Variants in SHLD2 observed in about 807,000 individuals in gnomAD.
SHLD2 encodes shieldin complex subunit 2.
In SHLD2, 30 loss-of-function variants were observed where a neutral mutation model predicts 73.2. The observed-to-expected ratio is 0.41, with a 90% CI of 0.31 to 0.56. The LOEUF is 0.56. Among genes scored for constraint, SHLD2 ranks in the 20% least tolerant of loss-of-function variants. The probability of loss-of-function intolerance (pLI) is 0.28; values close to 1 mark genes in which losing one functional copy is unlikely to be tolerated. For missense variants in SHLD2, 745 were observed against 1,055.9 expected, an observed-to-expected ratio of 0.71 and a Z score of 4.08; for synonymous variants, 285 against 370.1, an observed-to-expected ratio of 0.77 and a Z score of 2.64.
chr10:87,142,036 A>AT (rs1374555174), intron 2 of SHLD2, among the ~76,000 whole-genome samples: 9 of 149,240 alleles, frequency 6.0e-5, no homozygotes, highest in Non-Finnish European at 1.3e-4. Flanking sequence ...ATCTCAAAAA[A>AT]AAAAAAAATA....
chr10:87,153,363 G>A (rs1236583321), intron 3 of SHLD2, among the ~76,000 whole-genome samples: 1 of 152,162 alleles, frequency 6.6e-6, no homozygotes, highest in African/African-American at 2.4e-5. Context: ...CTTTGATTGG[G>A]CCACTGCACT....
chr10:87,111,104 C>A (rs938447828), intron 2 of SHLD2, among the ~76,000 whole-genome samples: 3 of 151,882 alleles, frequency 2.0e-5, no homozygotes, highest in South Asian at 2.1e-4. Flanking sequence ...GGCCTCCCAA[C>A]GTGCTGGGAT....
chr10:87,095,438 G>A (rs1004394810), intron 1 of SHLD2, among the ~76,000 whole-genome samples, 190 bp downstream of exon 1: 6 of 152,038 alleles, frequency 3.9e-5, no homozygotes, highest in Non-Finnish European at 8.8e-5. Context: ...GCGCGCCCTC[G>A]GAACGGGCGG....
At chr10:87,127,901 C>T (rs549858754) in intron 2 of SHLD2, among the ~76,000 whole-genome samples, 8 of 152,002 alleles carry the variant, frequency 5.3e-5, no homozygotes, top group Non-Finnish European at 1.0e-4. Context: ...GTTATGATGT[C>T]GTGCAAGTAA....
chr10:87,140,940 C>G (rs540153880), intron 2 of SHLD2, among the ~76,000 whole-genome samples: 95 of 151,846 alleles, frequency 6.3e-4, no homozygotes, highest in African/African-American at 2.2e-3. Flanking sequence ...TGTATTCCAC[C>G]CAGGGTGATA....
intron 2 of SHLD2, among the ~76,000 whole-genome samples, chr10:87,131,336 G>A (rs1444802159): frequency 6.6e-6 from 1 of 151,996 alleles, no homozygotes; most frequent in Non-Finnish European, 1.5e-5. Context: ...ACACCAAAAA[G>A]AAACCCCATA....
chr10:87,116,536 A>T (rs1843266519), intron 2 of SHLD2, among the ~76,000 whole-genome samples: 1 of 152,166 alleles, frequency 6.6e-6, no homozygotes, highest in East Asian at 1.9e-4. Flanking sequence ...TTTGGGTGGC[A>T]GGTGAGAATT....
At chr10:87,131,323 A>G (rs1276601268) in intron 2 of SHLD2, among the ~76,000 whole-genome samples, 1 of 152,058 alleles carries the variant, frequency 6.6e-6, no homozygotes, top group African/African-American at 2.4e-5. Flanking sequence ...GAACTTTTCT[A>G]TCACACCAAA....
chr10:87,099,804 G>T (rs1215356870), intron 2 of SHLD2, among the ~76,000 whole-genome samples: 1 of 152,130 alleles, frequency 6.6e-6, no homozygotes, highest in Non-Finnish European at 1.5e-5. Context: ...TGTTATGTGT[G>T]TTTTTTATTA....
At chr10:87,188,447 T>C (rs902780166) in intron 9 of SHLD2, among the ~76,000 whole-genome samples, 5 of 152,134 alleles carry the variant, frequency 3.3e-5, no homozygotes, top group Admixed American at 1.3e-4. Flanking sequence ...AGGCTTTTGT[T>C]CCTTAAAGGG....
At chr10:87,098,130 C>A (rs1043249629) in intron 2 of SHLD2, among the ~76,000 whole-genome samples, 3 of 152,004 alleles carry the variant, frequency 2.0e-5, no homozygotes, top group African/African-American at 7.2e-5. Flanking sequence ...TTTAGAAAAA[C>A]AGAATGAAAT....
chr10:87,151,491 A>G lies in SHLD2; in HGVS notation c.137A>G (p.His46Arg). The G allele has an allele frequency of 8.7e-6, 14 of 1,611,108 alleles. No individual in the cohort carries two copies. Among genetic ancestry groups the G allele is most frequent in the Non-Finnish European group, 1.2e-5 (14 of 1,179,558 alleles). ...AAAATTCAGCTTTTATACAGTCAAC[A>G]TTCTTTATATCTGAAGGATGAAAAA... The part of the protein sequence containing the change: ...WKKIQLLYSQ[H>R]SLYLKDEKQH... Residue 46 changes from histidine to arginine, a missense_variant, in exon 3 of 10, where the codon CAT becomes CGT. His to Arg is a conservative substitution (Grantham distance 29). Transcript: ENST00000298786.
chr10:87,175,277 A>G (rs1189926429), intron 6 of SHLD2, among the ~76,000 whole-genome samples: 1 of 152,210 alleles, frequency 6.6e-6, no homozygotes, highest in Non-Finnish European at 1.5e-5. Context: ...ACAAAACAAA[A>G]CACAACTTTG....
intron 4 of SHLD2, among the ~76,000 whole-genome samples, chr10:87,162,626 C>T (rs1397643393): frequency 1.3e-5 from 2 of 151,876 alleles, no homozygotes; most frequent in East Asian, 1.9e-4. Flanking sequence ...CCCAGGAGGT[C>T]GAGGCTGCAG....
intron 8 of SHLD2, among the ~76,000 whole-genome samples, chr10:87,183,222 C>T (rs1848420627): frequency 6.6e-6 from 1 of 152,170 alleles, no homozygotes; most frequent in South Asian, 2.1e-4. Flanking sequence ...CATTGCAAAT[C>T]ATTGACAGTT....
intron 2 of SHLD2, among the ~76,000 whole-genome samples, chr10:87,103,227 A>G (rs1842383296): frequency 6.6e-6 from 1 of 152,016 alleles, no homozygotes; most frequent in Admixed American, 6.6e-5. Flanking sequence ...AATTTTTTTT[A>G]ATAAATAAAT....
At chr10:87,163,031 T>G (rs1043931777) in intron 4 of SHLD2, among the ~76,000 whole-genome samples, 12 of 152,284 alleles carry the variant, frequency 7.9e-5, no homozygotes, top group Middle Eastern at 3.4e-3. Flanking sequence ...ACAAGGTTAT[T>G]CATTGCAGTA....
At chr10:87,172,752 A>G (rs1400650825) in intron 6 of SHLD2, among the ~76,000 whole-genome samples, 1 of 151,972 alleles carries the variant, frequency 6.6e-6, no homozygotes, top group Non-Finnish European at 1.5e-5. Flanking sequence ...ATAAGTTAAT[A>G]CATAAAAATT....
At chr10:87,183,590 C>T (rs1458784251) in intron 8 of SHLD2, among the ~76,000 whole-genome samples, 4 of 152,170 alleles carry the variant, frequency 2.6e-5, no homozygotes, top group Non-Finnish European at 4.4e-5. Context: ...GTTTTATACC[C>T]AGCCAAACTT....
Sources: allele counts gnomAD v4.1 joint callset (sites outside exome capture counted in the v4.1 genomes callset), GRCh38; gene constraint gnomAD v4.1.1; transcripts MANE v1.5; gene names NCBI Gene and HGNC (gene_info 2026-07-23, HGNC 2026-07-21).